ARHGAP32: variants seen among roughly 807,000 people sequenced by gnomAD.
ARHGAP32 encodes rho GTPase-activating protein 32.
Under a neutral mutation model 186.5 loss-of-function variants are expected in ARHGAP32, and 51 were observed. The ratio of observed to expected loss-of-function variants is 0.27; its 90% CI spans 0.22 to 0.35. The LOEUF (loss-of-function observed/expected upper bound fraction) is 0.35, where lower values mean the gene tolerates loss of function less well. ARHGAP32 is among the 10% of genes least tolerant of loss of function. The probability of loss-of-function intolerance (pLI) is 1.00; values close to 1 mark genes in which losing one functional copy is unlikely to be tolerated. For synonymous variants in ARHGAP32, 950 were observed against 964.3 expected (o/e 0.99, Z 0.27); for missense variants, 2,186 against 2,623.5 (o/e 0.83, Z 3.64).
chr11:129,174,294 C>T (rs1565456131), intron 1 of ARHGAP32, among the ~76,000 whole-genome samples: 2 of 152,194 alleles, frequency 1.3e-5, no homozygotes, highest in Non-Finnish European at 2.9e-5. Context: ...GGGTCCTACG[C>T]CCACGGAGTC....
intron 15 of ARHGAP32, among the ~76,000 whole-genome samples, chr11:128,983,627 A>C (rs1447239370): frequency 1.3e-5 from 2 of 152,098 alleles, no homozygotes; most frequent in African/African-American, 2.4e-5. Flanking sequence ...CATGTACCCT[A>C]AAACTTAAAG....
intron 15 of ARHGAP32, among the ~76,000 whole-genome samples, chr11:128,984,401 C>A (rs1335635520): frequency 6.6e-6 from 1 of 151,506 alleles, no homozygotes; most frequent in South Asian, 2.1e-4. Context: ...TAGAAAACAC[C>A]CCATACCACC....
At position 129,233,754 on chromosome 11, in the gene ARHGAP32, GA is replaced by G. The variant is rs1300666124; in HGVS notation, c.-5+45391del. Among the ~76,000 whole-genome samples, 5 of 151,716 alleles carry G rather than the reference GA, an allele frequency of 3.3e-5. No homozygotes were observed. The East Asian group carries it at 9.7e-4, about 29-fold the overall frequency. On this transcript the variant is annotated intron_variant, in intron 1 of 6. Transcript: ENST00000525234. Reference sequence around the variant, plus strand: ...TCCATGTATTACACGGAATAAATGAGAAAAAAAGCCTGCAGAGTGATATACT... The same window carrying G: ...TCCATGTATTACACGGAATAAATGAGAAAAAAGCCTGCAGAGTGATATACT...
At chr11:128,988,714 C>T (rs1380105282) in intron 12 of ARHGAP32, among the ~76,000 whole-genome samples, 1 of 152,128 alleles carries the variant, frequency 6.6e-6, no homozygotes, top group Admixed American at 6.5e-5. Flanking sequence ...TTGTAATTTC[C>T]TGGCCATATT....
intron 5 of ARHGAP32, among the ~76,000 whole-genome samples, chr11:129,117,257 T>C (rs1043818070): frequency 2.0e-5 from 3 of 151,986 alleles, no homozygotes; most frequent in African/African-American, 7.2e-5. Flanking sequence ...AGTAAGTTCT[T>C]AAACTCTTTT....
intron 1 of ARHGAP32, among the ~76,000 whole-genome samples, chr11:129,233,306 G>A (rs2135642306): frequency 6.6e-6 from 1 of 152,218 alleles, no homozygotes; most frequent in South Asian, 2.1e-4. Flanking sequence ...CTGAAACTAA[G>A]TGGGGGGTAC....
chr11:129,027,244 A>G (rs964866866), intron 11 of ARHGAP32, among the ~76,000 whole-genome samples: 2 of 152,028 alleles, frequency 1.3e-5, no homozygotes, highest in East Asian at 1.9e-4. Flanking sequence ...AGTCACCATC[A>G]TCTCTCACCT....
chr11:129,274,325 T>A (rs1208485823), intron 1 of ARHGAP32, among the ~76,000 whole-genome samples: 1 of 152,218 alleles, frequency 6.6e-6, no homozygotes, highest in Non-Finnish European at 1.5e-5. Flanking sequence ...CTCTGTCGCA[T>A]CTCATCTTCT....
At position 128,974,993 on chromosome 11, in the gene ARHGAP32, T is replaced by C. The variant is rs769300044; in HGVS notation, c.2204A>G (p.Lys735Arg). The C allele has an allele frequency of 1.2e-6, 2 of 1,601,994 alleles. No homozygotes were observed. The highest frequency in any genetic ancestry group is 1.7e-6 in the Non-Finnish European group (2 of 1,175,006). ...TCTGGGTCTTCTGGGTCGGAAGAGC[T>C]TAGAATCACCTGGAAAAAATGAATA... ...TSLHAVDGDS[K>R]LFRPRRPRSS... The change falls in exon 21 of 23, where the codon AAG (lysine) becomes AGG (arginine). Residue 735 changes from lysine to arginine, a missense_variant. Coordinates refer to ENST00000682385, the MANE Select transcript of ARHGAP32 (RefSeq NM_001378024.1).
chr11:129,172,927 C>A (rs1271761531), intron 1 of ARHGAP32, among the ~76,000 whole-genome samples: 1 of 140,732 alleles, frequency 7.1e-6, no homozygotes, highest in Non-Finnish European at 1.5e-5. Flanking sequence ...TAGCAAAGCA[C>A]AAGAAATAAC....
chr11:129,128,143 C>A (rs1006326651), intron 2 of ARHGAP32, among the ~76,000 whole-genome samples: 3 of 152,194 alleles, frequency 2.0e-5, no homozygotes. Context: ...TCTGTTTAAT[C>A]CTATACCGAT....
intron 11 of ARHGAP32, among the ~76,000 whole-genome samples, chr11:129,022,657 G>A (rs1938645477): frequency 1.3e-5 from 2 of 152,052 alleles, no homozygotes; most frequent in African/African-American, 4.8e-5. Flanking sequence ...CAATCAATAG[G>A]AGCTATTATT....
At chr11:129,049,742 A>T (rs1939961152) in intron 10 of ARHGAP32, among the ~76,000 whole-genome samples, 1 of 152,174 alleles carries the variant, frequency 6.6e-6, no homozygotes, top group South Asian at 2.1e-4. Context: ...GTAATATTCT[A>T]TTGTATGGAC....
intron 1 of ARHGAP32, among the ~76,000 whole-genome samples, chr11:129,249,547 T>TA (rs1222351530): frequency 2.6e-5 from 4 of 152,140 alleles, no homozygotes; most frequent in African/African-American, 9.7e-5. Flanking sequence ...GTTACACAAT[T>TA]AAAGCGGTTT....
intron 2 of ARHGAP32, among the ~76,000 whole-genome samples, chr11:129,130,878 C>T (rs943734913): frequency 2.6e-5 from 4 of 152,030 alleles, no homozygotes; most frequent in African/African-American, 9.7e-5. Flanking sequence ...ACAACAAAAA[C>T]TTGTACATAA....
chr11:129,215,896 T>C (rs1944638464), intron 1 of ARHGAP32, among the ~76,000 whole-genome samples: 1 of 152,114 alleles, frequency 6.6e-6, no homozygotes, highest in South Asian at 2.1e-4. Context: ...ATGAAGAATT[T>C]TGAGATGAGA....
intron 1 of ARHGAP32, among the ~76,000 whole-genome samples, chr11:129,226,258 T>G (rs1944780685): frequency 6.6e-6 from 1 of 152,114 alleles, no homozygotes; most frequent in African/African-American, 2.4e-5. Flanking sequence ...ACAACTTTGA[T>G]GAAAAGCATT....
intron 1 of ARHGAP32, among the ~76,000 whole-genome samples, chr11:129,240,193 G>A (rs758275614): frequency 6.6e-6 from 1 of 151,994 alleles, no homozygotes; most frequent in Admixed American, 6.6e-5. Context: ...AGCCAAGGGT[G>A]ACTAGACATA....
intron 10 of ARHGAP32, among the ~76,000 whole-genome samples, chr11:129,043,795 T>C (rs1217800985): frequency 6.6e-6 from 1 of 152,182 alleles, no homozygotes; most frequent in African/African-American, 2.4e-5. Context: ...TCTTTGGCTG[T>C]TTCTTACCAT....
Sources: gnomAD v4.1 joint callset for allele counts (sites outside exome capture counted in the v4.1 genomes callset) on GRCh38, gnomAD v4.1.1 for gene constraint, MANE v1.5 for transcripts, NCBI Gene and HGNC (gene_info 2026-07-23, HGNC 2026-07-21) for gene names.